Variants in SPON1 observed in about 807,000 individuals in gnomAD.
SPON1 encodes the protein spondin-1.
A neutral mutation model predicts 111.7 loss-of-function variants in SPON1; 52 were observed. The ratio of observed to expected loss-of-function variants is 0.47; its 90% CI spans 0.37 to 0.59. The LOEUF is 0.59. Ranked by LOEUF, SPON1 falls within the 20% of genes least tolerant of loss-of-function variation. SPON1 has a pLI of 0.00. For synonymous variants in SPON1, 410 were observed against 395.8 expected, an observed-to-expected ratio of 1.04 and a Z score of -0.43; for missense variants, 957 against 1,068.5, an observed-to-expected ratio of 0.90 and a Z score of 1.46.
At chr11:14,154,649 C>T (rs1554930203) in intron 6 of SPON1, among the ~76,000 whole-genome samples, 1 of 152,230 alleles carries the variant, frequency 6.6e-6, no homozygotes, top group Non-Finnish European at 1.5e-5. Flanking sequence ...TGGCTACTAA[C>T]ATTTGGCTTC....
At chr11:14,105,899 A>G (rs1166505523) in intron 5 of SPON1, among the ~76,000 whole-genome samples, 11 of 152,212 alleles carry the variant, frequency 7.2e-5, no homozygotes, top group Admixed American at 2.0e-4. Flanking sequence ...TACATTAAAT[A>G]TTACTTTCCT....
At chr11:14,151,620 A>C (rs1198099591) in intron 6 of SPON1, among the ~76,000 whole-genome samples, 1 of 152,174 alleles carries the variant, frequency 6.6e-6, no homozygotes, top group Non-Finnish European at 1.5e-5. Flanking sequence ...AATGCCTTCT[A>C]CCTCCATGCA....
intron 6 of SPON1, among the ~76,000 whole-genome samples, chr11:14,196,501 T>TA (rs561631212): frequency 0.014 from 2,114 of 151,470 alleles, 12 homozygotes; most frequent in Admixed American, 0.022. Context: ...GCTGCTATTT[T>TA]AAAAAAAAAT....
At chr11:14,178,810 G>T (rs1554933404) in intron 6 of SPON1, among the ~76,000 whole-genome samples, 1 of 46,656 alleles carries the variant, frequency 2.1e-5, no homozygotes, top group Non-Finnish European at 4.4e-5. Context: ...TGCTATTATG[G>T]TAAGTGTCGG....
At chr11:14,222,479 T>G (rs1345356446) in intron 6 of SPON1, among the ~76,000 whole-genome samples, 1 of 152,184 alleles carries the variant, frequency 6.6e-6, no homozygotes, top group African/African-American at 2.4e-5. Flanking sequence ...GAGATCCCAA[T>G]TCAGTAGCGC....
At chr11:14,202,703 G>A (rs7940688) in intron 6 of SPON1, among the ~76,000 whole-genome samples, 2,433 of 152,208 alleles carry the variant, frequency 0.016, 67 homozygotes, top group African/African-American at 0.056. Flanking sequence ...ATGCTTAACC[G>A]TTAGGGAAAC....
At chr11:14,055,168 G>A (rs1165584879) in intron 3 of SPON1, among the ~76,000 whole-genome samples, 2 of 152,062 alleles carry the variant, frequency 1.3e-5, no homozygotes, top group African/African-American at 2.4e-5. Flanking sequence ...TCTGTAGTGG[G>A]GACAGTAGAT....
intron 3 of SPON1, among the ~76,000 whole-genome samples, chr11:14,053,308 C>T (rs1253494029): frequency 1.3e-5 from 2 of 152,178 alleles, no homozygotes; most frequent in Admixed American, 1.3e-4. Flanking sequence ...ATTCTCCTCT[C>T]CCCACCCCAG....
At chr11:14,049,725 T>A (rs555798461) in intron 3 of SPON1, among the ~76,000 whole-genome samples, 1 of 152,214 alleles carries the variant, frequency 6.6e-6, no homozygotes, top group East Asian at 1.9e-4. Context: ...ATCCACAAAC[T>A]GAAATCCAGA....
At chr11:14,245,584 A>T (rs1043208927) in intron 7 of SPON1, among the ~76,000 whole-genome samples, 2 of 152,130 alleles carry the variant, frequency 1.3e-5, no homozygotes, top group Admixed American at 6.5e-5. Flanking sequence ...CTGTGCCTGG[A>T]AGGTGTTCCT....
At chr11:14,024,889 C>T (rs1488606525) in intron 2 of SPON1, among the ~76,000 whole-genome samples, 2 of 152,132 alleles carry the variant, frequency 1.3e-5, no homozygotes, top group Non-Finnish European at 2.9e-5. Flanking sequence ...CTTCAAGTGA[C>T]AATATAGGTA....
intron 2 of SPON1, among the ~76,000 whole-genome samples, chr11:14,002,138 T>G (rs781832703): frequency 3.3e-5 from 5 of 152,216 alleles, no homozygotes; most frequent in Admixed American, 6.5e-5. Flanking sequence ...TAGATAGGAT[T>G]ACACAGGATG....
intron 1 of SPON1, among the ~76,000 whole-genome samples, chr11:13,963,945 G>A (rs1554907793): frequency 6.6e-6 from 1 of 152,192 alleles, no homozygotes; most frequent in African/African-American, 2.4e-5. Flanking sequence ...CTTGGCTCCG[G>A]CAGCTCGGAG....
chr11:14,160,495 TTACATATATATATTTA>T lies in SPON1; in HGVS notation c.825+24930_825+24945del, dbSNP rs1847906427. 2.8e-4 allele frequency among the ~76,000 whole-genome samples: 3 copies of T among 10,886 alleles called. 1 individual carries two copies. Among genetic ancestry groups the T allele is most frequent in the Non-Finnish European group, 3.2e-4 (2 of 6,342 alleles). 7.1% of individuals were successfully genotyped at this position (10,886 alleles called of 152,430 possible). ...TATATATATATTTATATATATATATTTACATATATATATTTATATATATATTTACATATATATATTT... is the reference window on the plus strand; with the variant it reads ...TATATATATATTTATATATATATATTTATATATATTTACATATATATATTT... On this transcript the variant is annotated intron_variant, in intron 6 of 15. Transcript: ENST00000576479.
At chr11:14,165,876 A>G (rs1295658179) in intron 6 of SPON1, among the ~76,000 whole-genome samples, 1 of 152,214 alleles carries the variant, frequency 6.6e-6, no homozygotes, top group Non-Finnish European at 1.5e-5. Flanking sequence ...GGCTTTTTAA[A>G]CTGGCTTTGA....
At chr11:14,091,681 C>T (rs116246312) in intron 5 of SPON1, among the ~76,000 whole-genome samples, 1,535 of 152,210 alleles carry the variant, frequency 0.01, 27 homozygotes, top group African/African-American at 0.036. Context: ...AAGTGCCGCC[C>T]GCAGCCCCGG....
At chr11:13,966,144 A>C (rs1848014246) in intron 1 of SPON1, among the ~76,000 whole-genome samples, 1 of 152,104 alleles carries the variant, frequency 6.6e-6, no homozygotes, top group African/African-American at 2.4e-5. Context: ...TGTTAGTATT[A>C]TATTGATTTC....
chr11:14,186,376 CT>C (rs1848285392), intron 6 of SPON1, among the ~76,000 whole-genome samples: 1 of 152,140 alleles, frequency 6.6e-6, no homozygotes, highest in Non-Finnish European at 1.5e-5. Flanking sequence ...TGTTTTTGGT[CT>C]TGTGGGCCAG....
intron 5 of SPON1, among the ~76,000 whole-genome samples, chr11:14,088,906 C>A (rs1387283181): frequency 6.6e-6 from 1 of 151,612 alleles, no homozygotes; most frequent in African/African-American, 2.4e-5. Flanking sequence ...GATATCCCTT[C>A]TTCTGCTTGG....
Sources: gnomAD v4.1 joint callset for allele counts (sites outside exome capture counted in the v4.1 genomes callset) on GRCh38, gnomAD v4.1.1 for gene constraint, MANE v1.5 for transcripts, NCBI Gene and HGNC (gene_info 2026-07-23, HGNC 2026-07-21) for gene names.